The following NKAIN3 variants were observed in gnomAD, a reference collection of about 807,000 sequenced individuals.
NKAIN3 encodes the protein sodium/potassium transporting ATPase interacting 3.
Under a neutral mutation model 30.2 loss-of-function variants are expected in NKAIN3, and 25 were observed. The ratio of observed to expected loss-of-function variants is 0.83; its 90% CI spans 0.60 to 1.16. The LOEUF is 1.16. NKAIN3 is among the 50% of genes most tolerant of loss of function. The pLI is 0.00. For synonymous variants in NKAIN3, 91 were observed against 89.6 expected (o/e 1.02, Z -0.09); for missense variants, 225 against 254.1 (o/e 0.89, Z 0.78).
intron 1 of NKAIN3, among the ~76,000 whole-genome samples, chr8:62,412,357 T>G (rs1021666845): frequency 7.4e-4 from 111 of 150,788 alleles, no homozygotes; most frequent in Non-Finnish European, 3.2e-4. Flanking sequence ...ATTCAATAAG[T>G]GGTGCTAAGA....
intron 4 of NKAIN3, among the ~76,000 whole-genome samples, chr8:62,785,531 G>C (rs1452463692): frequency 1.3e-5 from 2 of 152,052 alleles, no homozygotes; most frequent in Non-Finnish European, 2.9e-5. Flanking sequence ...GCACAGCTCC[G>C]TGGATATACT....
intron 1 of NKAIN3, among the ~76,000 whole-genome samples, chr8:62,521,541 T>C (rs181064519): frequency 6.6e-6 from 1 of 152,256 alleles, no homozygotes; most frequent in Admixed American, 6.5e-5. Context: ...AGAAAAATGC[T>C]GAGATCAAGG....
intron 1 of NKAIN3, among the ~76,000 whole-genome samples, chr8:62,260,283 A>G (rs1812396508): frequency 6.6e-6 from 1 of 152,096 alleles, no homozygotes; most frequent in African/African-American, 2.4e-5. Flanking sequence ...TAATTAAGGT[A>G]CAAACAGGAA....
intron 1 of NKAIN3, among the ~76,000 whole-genome samples, chr8:62,397,364 AGGATTTCTATC>A: frequency 6.6e-6 from 1 of 151,814 alleles, no homozygotes; most frequent in African/African-American, 2.4e-5. Flanking sequence ...TTTTGTTTAA[AGGATTTCTATC>A]TTGAAGTATG....
At chr8:62,696,911 G>A (rs1369853422) in intron 3 of NKAIN3, among the ~76,000 whole-genome samples, 1 of 152,112 alleles carries the variant, frequency 6.6e-6, no homozygotes, top group African/African-American at 2.4e-5. Context: ...TGTAGTCATA[G>A]AATTCAATGA....
At chr8:62,423,239 A>C (rs1285794077) in intron 1 of NKAIN3, among the ~76,000 whole-genome samples, 1 of 152,034 alleles carries the variant, frequency 6.6e-6, no homozygotes, top group Non-Finnish European at 1.5e-5. Context: ...GGAAGGAAGG[A>C]TAGCCTGAAT....
At chr8:62,418,991 A>T (rs2129596604) in intron 1 of NKAIN3, among the ~76,000 whole-genome samples, 1 of 152,284 alleles carries the variant, frequency 6.6e-6, no homozygotes, top group South Asian at 2.1e-4. Context: ...CATAGCCAAA[A>T]GTTGCAGAGA....
intron 3 of NKAIN3, among the ~76,000 whole-genome samples, chr8:62,654,912 A>G (rs529222175): frequency 3.2e-4 from 48 of 152,308 alleles, no homozygotes; most frequent in African/African-American, 1.1e-3. Flanking sequence ...ATGGGGAAGG[A>G]CGATAGCAGG....
intron 4 of NKAIN3, among the ~76,000 whole-genome samples, chr8:62,783,783 C>A (rs1817430966): frequency 6.6e-6 from 1 of 151,762 alleles, no homozygotes; most frequent in African/African-American, 2.4e-5. Context: ...CCACCACATG[C>A]AGCTAAATTT....
At chr8:62,381,248 G>A (rs16928835) in intron 1 of NKAIN3, among the ~76,000 whole-genome samples, 21,023 of 151,912 alleles carry the variant, frequency 0.14, 1,731 homozygotes, top group East Asian at 0.4. Flanking sequence ...ATTTTTACCT[G>A]TTTTTTCTTT....
At chr8:62,525,390 A>G (rs1808272217) in intron 1 of NKAIN3, among the ~76,000 whole-genome samples, 1 of 152,162 alleles carries the variant, frequency 6.6e-6, no homozygotes. Flanking sequence ...AAGGCATTGC[A>G]TGCAGCAACC....
intron 1 of NKAIN3, among the ~76,000 whole-genome samples, chr8:62,400,796 G>A (rs1385880976): frequency 1.3e-5 from 2 of 151,674 alleles, no homozygotes; most frequent in Non-Finnish European, 2.9e-5. Flanking sequence ...ATGTATTGGA[G>A]CTCCATTGTA....
chr8:62,405,887 G>A (rs1049705666), intron 1 of NKAIN3, among the ~76,000 whole-genome samples: 1 of 152,160 alleles, frequency 6.6e-6, no homozygotes, highest in African/African-American at 2.4e-5. Context: ...GAAGCTCACT[G>A]ATTTCTCTTT....
intron 4 of NKAIN3, among the ~76,000 whole-genome samples, chr8:62,750,520 A>C (rs1816241611): frequency 6.6e-6 from 1 of 151,658 alleles, no homozygotes; most frequent in South Asian, 2.1e-4. Flanking sequence ...GAGCATCCCC[A>C]CTCTCCACCG....
At chr8:62,379,535 G>C (rs529381888) in intron 1 of NKAIN3, among the ~76,000 whole-genome samples, 1 of 152,228 alleles carries the variant, frequency 6.6e-6, no homozygotes, top group East Asian at 1.9e-4. Flanking sequence ...TAAACCATGA[G>C]GACATTTTCC....
At position 62,972,779 on chromosome 8, in the gene NKAIN3, A is replaced by T. The variant is rs1823860906; in HGVS notation, c.*7372A>T. Among the ~76,000 whole-genome samples, 1 of 152,124 alleles carries T rather than the reference A, an allele frequency of 6.6e-6. No individual in the cohort carries two copies. The highest frequency in any genetic ancestry group is 1.5e-5 in the Non-Finnish European group (1 of 68,044). On this transcript the variant is annotated 3_prime_UTR_variant, in exon 7 of 7. Transcript: ENST00000623646. Reference sequence around the variant, plus strand: ...CCATGGTGGTTTGCTGCACCCATCAATTCATCATCTACATTAGGTATATCT... The same window carrying T: ...CCATGGTGGTTTGCTGCACCCATCATTTCATCATCTACATTAGGTATATCT...
intron 1 of NKAIN3, among the ~76,000 whole-genome samples, chr8:62,315,621 G>A (rs535900487): frequency 1.3e-5 from 2 of 152,176 alleles, no homozygotes; most frequent in Non-Finnish European, 2.9e-5. Flanking sequence ...TCTTGATCTA[G>A]TGCACCAATG....
At chr8:62,426,672 C>A (rs145360162) in intron 1 of NKAIN3, among the ~76,000 whole-genome samples, 194 of 151,890 alleles carry the variant, frequency 1.3e-3, no homozygotes, top group African/African-American at 4.6e-3. Context: ...TGGGTGGAGC[C>A]TATTTCATTA....
In NKAIN3 at chr8:62,389,810, G is replaced by T. The variant is rs142278929; in HGVS notation, c.54+140683G>T. 3.3e-3 allele frequency among the ~76,000 whole-genome samples: 504 copies of T among 152,168 alleles called. 3 individuals carry two copies. The highest frequency in any genetic ancestry group is 0.011 in the African/African-American group (473 of 41,508). On this transcript the variant is annotated intron_variant, in intron 1 of 6. Coordinates refer to ENST00000623646, the MANE Select transcript of NKAIN3 (RefSeq NM_001304533.3). ...CCAGGCCTTGTGGGTGTCATTTAGG[G>T]CTCAGTAGCAGTAGTGCCTTATCTT...
Sources: gnomAD v4.1 joint callset for allele counts (sites outside exome capture counted in the v4.1 genomes callset) on GRCh38, gnomAD v4.1.1 for gene constraint, MANE v1.5 for transcripts, NCBI Gene and HGNC (gene_info 2026-07-23, HGNC 2026-07-21) for gene names.